Variants in LUZP2 observed in about 807,000 individuals in gnomAD.
LUZP2 encodes leucine zipper protein 2.
A neutral mutation model predicts 51.6 loss-of-function variants in LUZP2; 52 were observed. That is an observed-to-expected ratio of 1.01 (90% confidence interval 0.81 to 1.27). The LOEUF is 1.27. Ranked by LOEUF, LUZP2 falls within the 50% of genes most tolerant of loss-of-function variation. The pLI is 0.00. For synonymous variants in LUZP2, 154 were observed against 137.3 expected (o/e 1.12, Z -0.85); for missense variants, 436 against 395.4 (o/e 1.10, Z -0.87).
chr11:24,711,571 A>C (rs1272118818), intron 1 of LUZP2, among the ~76,000 whole-genome samples: 1 of 152,140 alleles, frequency 6.6e-6, no homozygotes, highest in Non-Finnish European at 1.5e-5. Flanking sequence ...ATGCGGATGG[A>C]GTTGTCTCGC....
chr11:25,058,605 C>T (rs1168290019), intron 10 of LUZP2, among the ~76,000 whole-genome samples: 1 of 152,108 alleles, frequency 6.6e-6, no homozygotes, highest in African/African-American at 2.4e-5. Context: ...ATAAGGTTCT[C>T]ATTTTGAATT....
At chr11:24,687,370 A>T (rs10834432) in intron 1 of LUZP2, among the ~76,000 whole-genome samples, 27,751 of 152,052 alleles carry the variant, frequency 0.18, 2,606 homozygotes, top group East Asian at 0.32. Context: ...TGATAAACAA[A>T]GTATGAGGTA....
At chr11:24,531,331 AT>A (rs1347618922) in intron 1 of LUZP2, among the ~76,000 whole-genome samples, 1 of 150,796 alleles carries the variant, frequency 6.6e-6, no homozygotes, top group Non-Finnish European at 1.5e-5. Context: ...GATTCTACAT[AT>A]TTGAGTACAG....
intron 1 of LUZP2, among the ~76,000 whole-genome samples, chr11:24,572,588 A>C (rs1509593): frequency 0.18 from 27,856 of 151,934 alleles, 2,914 homozygotes; most frequent in African/African-American, 0.27. Flanking sequence ...TTATCACCAC[A>C]TATGTAAAAC....
chr11:24,985,694 G>C (rs1002273592), intron 9 of LUZP2, among the ~76,000 whole-genome samples: 1 of 151,660 alleles, frequency 6.6e-6, no homozygotes, highest in African/African-American at 2.4e-5. Context: ...GATGTAAAGG[G>C]CAAGAGGAGG....
At chr11:24,933,985 A>G (rs1854526591) in intron 7 of LUZP2, among the ~76,000 whole-genome samples, 1 of 152,142 alleles carries the variant, frequency 6.6e-6, no homozygotes, top group Non-Finnish European at 1.5e-5. Context: ...GGATATTACA[A>G]TGTACCTTCT....
At chr11:24,705,039 A>T (rs776406019) in intron 1 of LUZP2, among the ~76,000 whole-genome samples, 9 of 152,330 alleles carry the variant, frequency 5.9e-5, no homozygotes, top group Middle Eastern at 3.4e-3. Context: ...TCTTGAAAGT[A>T]AAAGCTCTCA....
At chr11:25,058,211 G>C (rs1858742835) in intron 10 of LUZP2, among the ~76,000 whole-genome samples, 1 of 151,838 alleles carries the variant, frequency 6.6e-6, no homozygotes, top group Non-Finnish European at 1.5e-5. Flanking sequence ...AGGAATGATA[G>C]GTAGATTCCA....
chr11:24,948,235 T>C (rs1854953490), intron 7 of LUZP2, among the ~76,000 whole-genome samples: 1 of 151,802 alleles, frequency 6.6e-6, no homozygotes, highest in Non-Finnish European at 1.5e-5. Context: ...ATTTGTTTAT[T>C]GTACTTTTAA....
intron 10 of LUZP2, among the ~76,000 whole-genome samples, chr11:25,074,630 C>T (rs1345520973): frequency 1.3e-5 from 2 of 151,860 alleles, no homozygotes; most frequent in Non-Finnish European, 2.9e-5. Context: ...AATTTTAGGT[C>T]AAAGATATTC....
At chr11:24,597,140 A>G (rs1462019443) in intron 1 of LUZP2, among the ~76,000 whole-genome samples, 1 of 152,210 alleles carries the variant, frequency 6.6e-6, no homozygotes, top group African/African-American at 2.4e-5. Flanking sequence ...TTAAGGGCAG[A>G]CATAAAGTGA....
intron 9 of LUZP2, among the ~76,000 whole-genome samples, chr11:25,029,330 A>G (rs1590854247): frequency 6.6e-6 from 1 of 152,166 alleles, no homozygotes; most frequent in East Asian, 1.9e-4. Context: ...AAAACATCTC[A>G]TGTACTCCAT....
intron 1 of LUZP2, among the ~76,000 whole-genome samples, chr11:24,619,336 A>G (rs1854413915): frequency 6.6e-6 from 1 of 152,140 alleles, no homozygotes; most frequent in Non-Finnish European, 1.5e-5. Flanking sequence ...GCCAGAGGCC[A>G]ACTTAGCATT....
At chr11:24,601,943 T>A (rs906078193) in intron 1 of LUZP2, among the ~76,000 whole-genome samples, 1 of 136,828 alleles carries the variant, frequency 7.3e-6, no homozygotes, top group South Asian at 2.2e-4. Context: ...TATATGTATA[T>A]ATGTATAAAT....
At chr11:24,749,258 A>G (rs1419088294) in intron 4 of LUZP2, among the ~76,000 whole-genome samples, 2 of 152,164 alleles carry the variant, frequency 1.3e-5, no homozygotes, top group East Asian at 3.9e-4. Context: ...ATAAGAAGAT[A>G]AAAAAGGAGA....
intron 1 of LUZP2, among the ~76,000 whole-genome samples, chr11:24,727,226 A>C (rs952960272): frequency 6.6e-6 from 1 of 152,104 alleles, no homozygotes; most frequent in South Asian, 2.1e-4. Context: ...AGCAATATAC[A>C]GTAAGTTCTT....
At chr11:24,878,105 T>TG (rs1451635118) in intron 5 of LUZP2, among the ~76,000 whole-genome samples, 3 of 150,228 alleles carry the variant, frequency 2.0e-5, no homozygotes, top group Admixed American at 1.3e-4. Context: ...TCTGTGTTTT[T>TG]TTTTTTTTTT....
chr11:24,517,871 T>C (rs1850528655), intron 1 of LUZP2, among the ~76,000 whole-genome samples: 1 of 152,170 alleles, frequency 6.6e-6, no homozygotes, highest in Non-Finnish European at 1.5e-5. Flanking sequence ...TTTTTAATTA[T>C]AGAAAATTCC....
chr11:24,574,301 C>T, intron 1 of LUZP2, among the ~76,000 whole-genome samples: 1 of 58,518 alleles, frequency 1.7e-5, no homozygotes, highest in Non-Finnish European at 3.4e-5. Flanking sequence ...TTCTTTCTTT[C>T]TTTTTCTTTT....
Sources: allele counts gnomAD v4.1 joint callset (sites outside exome capture counted in the v4.1 genomes callset), GRCh38; gene constraint gnomAD v4.1.1; transcripts MANE v1.5; gene names NCBI Gene and HGNC (gene_info 2026-07-23, HGNC 2026-07-21).